Variants in FBRSL1 observed in about 807,000 individuals in gnomAD.
FBRSL1 encodes fibrosin like 1, also known as fibrosin-1-like protein.
FBRSL1 carries 51 observed loss-of-function variants against 89.6 expected under a neutral mutation model. The observed-to-expected ratio is 0.57, with a 90% CI of 0.45 to 0.72. The LOEUF is 0.72. Among genes scored for constraint, FBRSL1 ranks in the 30% least tolerant of loss-of-function variants. The pLI is 0.00. For synonymous variants in FBRSL1, 779 were observed against 681.1 expected (o/e 1.14, Z -2.24); for missense variants, 1,618 against 1,451.8 (o/e 1.11, Z -1.86).
Position 132,571,232 on chromosome 12 carries a change from G to C in FBRSL1, c.1377+1G>C. 4 of 1,461,062 alleles carry C rather than the reference G, an allele frequency of 2.7e-6. No homozygotes were observed. Among genetic ancestry groups the C allele is most frequent in the Non-Finnish European group, 3.6e-6 (4 of 1,098,386 alleles). The allele number at this position is 1,461,062 out of a possible 1,614,324, so 90.5% of individuals were successfully genotyped here. A position where few individuals can be genotyped will look rare whatever the true frequency, so the allele number is the denominator to read the frequency against. On this transcript the variant is annotated splice_donor_variant, in intron 9 of 18. Transcript: ENST00000680143. LOFTEE classifies it high-confidence loss of function. ...GGCCTGCCGACCCCGGGAGTGCCAG[G>C]TGACTATCCGCCTCGCCCCGCCGGG... is the stretch of plus-strand genomic sequence containing the variant.
chr12:132,569,448 G>C (rs1389060560), intron 6 of FBRSL1, among the ~76,000 whole-genome samples: 2 of 152,152 alleles, frequency 1.3e-5, no homozygotes, highest in Non-Finnish European at 2.9e-5. Flanking sequence ...CTGCTGTTGG[G>C]GTGGGGCAGA....
chr12:132,582,847 GTGC>G (rs1460637200), intron 18 of FBRSL1, 121 bp from the exon 19 acceptor site: 1 of 716,540 alleles, frequency 1.4e-6, no homozygotes, highest in Non-Finnish European at 2.0e-6. Context: ...GGAGCTGTGG[GTGC>G]TGAGGGGTCA....
chr12:132,529,438 C>T (rs1196525208), intron 4 of FBRSL1, among the ~76,000 whole-genome samples: 6 of 152,144 alleles, frequency 3.9e-5, no homozygotes, highest in Admixed American at 3.9e-4. Flanking sequence ...TGGGTCACAG[C>T]AGGGGCTCAG....
At chr12:132,559,617 G>C (rs977889249) in intron 5 of FBRSL1, among the ~76,000 whole-genome samples, 10 of 152,254 alleles carry the variant, frequency 6.6e-5, no homozygotes, top group African/African-American at 2.2e-4. Context: ...GGCCAGGCTG[G>C]TCTCGAACTC....
At position 132,539,241 on chromosome 12, in the gene FBRSL1, G is replaced by A. The variant is rs954383762; in HGVS notation, c.616-8762G>A. 9.2e-5 allele frequency among the ~76,000 whole-genome samples: 14 copies of A among 152,176 alleles called. No individual in the cohort carries two copies. In the East Asian group the frequency reaches 2.5e-3, roughly 27 times the overall value. On this transcript the variant is annotated intron_variant, in intron 4 of 18. Coordinates refer to ENST00000680143, the MANE Select transcript of FBRSL1 (RefSeq NM_001367871.1). ...AGCGGGCGGAGAGTGTCTATGCTAGGATCAGGGTCAGAGAGGGAGGAGCTG... is the reference window on the plus strand; with the variant it reads ...AGCGGGCGGAGAGTGTCTATGCTAGAATCAGGGTCAGAGAGGGAGGAGCTG...
At chr12:132,566,982 C>G (rs1270847340) in intron 5 of FBRSL1, among the ~76,000 whole-genome samples, 2 of 152,236 alleles carry the variant, frequency 1.3e-5, no homozygotes, top group African/African-American at 4.8e-5. Flanking sequence ...ACATGTCCAG[C>G]CTGGTCGGTA....
intron 5 of FBRSL1, chr12:132,551,872 G>A (rs1266543946): frequency 3.4e-6 from 1 of 296,932 alleles, no homozygotes; most frequent in African/African-American, 2.2e-5. Flanking sequence ...GGACTCCATA[G>A]GCAGCCGCCA....
intron 2 of FBRSL1, among the ~76,000 whole-genome samples, chr12:132,515,422 G>A (rs148227237): frequency 3.7e-4 from 56 of 151,628 alleles, no homozygotes; most frequent in East Asian, 3.1e-3. Flanking sequence ...GGAATACTAC[G>A]TCAAAATTTA....
chr12:132,547,869 T>TG (rs1200743213), intron 4 of FBRSL1, 134 bp from the exon 5 acceptor site: 3 of 908,348 alleles, frequency 3.3e-6, no homozygotes, highest in Non-Finnish European at 5.2e-6. Flanking sequence ...CACCTGGGCC[T>TG]GCTGGTACCT....
At chr12:132,560,447 G>C (rs1324504551) in intron 5 of FBRSL1, among the ~76,000 whole-genome samples, 1 of 151,944 alleles carries the variant, frequency 6.6e-6, no homozygotes, top group African/African-American at 2.4e-5. Flanking sequence ...TCCCAGGCCC[G>C]GGTCAGGGCA....
At chr12:132,504,261 G>T (rs1033904214) in intron 1 of FBRSL1, among the ~76,000 whole-genome samples, 3 of 152,204 alleles carry the variant, frequency 2.0e-5, no homozygotes, top group Non-Finnish European at 2.9e-5. Flanking sequence ...AGGGCTCTGT[G>T]TGTGCTGAGG....
Position 132,490,616 on chromosome 12 carries a change from G to C in FBRSL1, c.46G>C (p.Asp16His), listed in dbSNP as rs949454511. The change falls in exon 1 of 19, where the codon GAC becomes CAC. Residue 16 changes from aspartate (D) to histidine (H), a missense_variant. By Grantham distance (81) the Asp-to-His change is moderately conservative (BLOSUM62 -1). Coordinates refer to ENST00000680143, the MANE Select transcript of FBRSL1 (RefSeq NM_001367871.1). Reference protein sequence around the residue: ...RPSRRSRAQRDRGRRREAARD... With the variant: ...RPSRRSRAQRHRGRRREAARD... ...GAGCCGGCGCTCGCGCGCGCAGCGG[G>C]ACCGTGGCCGGCGCCGGGAGGCCGC... 3 of 983,488 alleles carry C rather than the reference G, an allele frequency of 3.1e-6. No homozygotes were observed. The highest frequency in any genetic ancestry group is 3.6e-6 in the Non-Finnish European group (3 of 830,208). 60.9% of individuals were successfully genotyped at this position (983,488 alleles called of 1,614,324 possible).
At chr12:132,549,729 G>A (rs1470708772) in intron 5 of FBRSL1, among the ~76,000 whole-genome samples, 1 of 152,210 alleles carries the variant, frequency 6.6e-6, no homozygotes, top group Non-Finnish European at 1.5e-5. Flanking sequence ...GGGGAAGGCT[G>A]ACAGCCGCCC....
chr12:132,510,322 C>T (rs1230043654), intron 2 of FBRSL1: 2 of 1,230,584 alleles, frequency 1.6e-6, no homozygotes, highest in Non-Finnish European at 1.0e-6. Context: ...CTGGTGCCGG[C>T]CCGTCAGCCC....
chr12:132,577,481 C>T lies in FBRSL1; in HGVS notation c.1834+550C>T, dbSNP rs146102025. Among the ~76,000 whole-genome samples the T allele has an allele frequency of 1.1e-3, 162 of 152,334 alleles. 1 individual carries two copies. Among genetic ancestry groups the T allele is most frequent in the African/African-American group, 3.6e-3 (149 of 41,580 alleles). On this transcript the variant is annotated intron_variant, in intron 15 of 18. Coordinates refer to ENST00000680143, the MANE Select transcript of FBRSL1 (RefSeq NM_001367871.1). The stretch of plus-strand genomic sequence containing the variant: ...CCTTCCTCACATGCATGGTTGCTCC[C>T]GGGGTCCCAGGACGGGCCCAGCTGC...
chr12:132,490,391 G>A lies in FBRSL1; in HGVS notation c.-180G>A, dbSNP rs1275649321. ...GGGTCCCAGGCCGCGCCGGGCCCGG[G>A]GCTGAGCCGCCCCCCGCGCCCGGCA... On this transcript the variant is annotated 5_prime_UTR_variant, in exon 1 of 19. Transcript: ENST00000680143. 1 of 231,554 alleles carries A rather than the reference G, an allele frequency of 4.3e-6. No homozygotes were observed. Among genetic ancestry groups the A allele is most frequent in the Admixed American group, 6.8e-5 (1 of 14,602 alleles). The allele number at this position is 231,554 out of a possible 1,614,324, so 14.3% of individuals were successfully genotyped here.
At chr12:132,494,211 T>C (rs1289291053) in intron 1 of FBRSL1, among the ~76,000 whole-genome samples, 2 of 152,186 alleles carry the variant, frequency 1.3e-5, no homozygotes, top group African/African-American at 4.8e-5. Context: ...TTGTTTCCTG[T>C]GACAACTCTG....
chr12:132,505,673 G>T (rs953753540), intron 1 of FBRSL1, among the ~76,000 whole-genome samples: 3 of 152,212 alleles, frequency 2.0e-5, no homozygotes, highest in Non-Finnish European at 4.4e-5. Flanking sequence ...AAGGGCCCCT[G>T]CCTGGGCCTC....
In FBRSL1 at chr12:132,490,771, G is replaced by A; in HGVS notation, c.201G>A (p.Pro67=). Reference sequence around the variant, plus strand: ...CCGCGCCCCGCACCGCGCGTCCCCCGCGCCGCCGCCGCCGCGAGTCCAGCT... The same window carrying A: ...CCGCGCCCCGCACCGCGCGTCCCCCACGCCGCCGCCGCCGCGAGTCCAGCT... ...AAPAPRTARP[P]RRRRRESSSQ... Residue 67 remains proline (P), a synonymous_variant, in exon 1 of 19, where the codon CCG becomes CCA. Coordinates refer to ENST00000680143, the MANE Select transcript of FBRSL1 (RefSeq NM_001367871.1). The A allele has an allele frequency of 2.6e-6, 3 of 1,164,166 alleles. No individual in the cohort carries two copies. The highest frequency in any genetic ancestry group is 1.1e-6 in the Non-Finnish European group (1 of 943,748). The allele number at this position is 1,164,166 out of a possible 1,614,324, so 72.1% of individuals were successfully genotyped here.
Sources: allele counts gnomAD v4.1 joint callset (sites outside exome capture counted in the v4.1 genomes callset), GRCh38; gene constraint gnomAD v4.1.1; transcripts MANE v1.5; gene names NCBI Gene and HGNC (gene_info 2026-07-23, HGNC 2026-07-21).